Variants in MARCHF4 observed in about 807,000 individuals in gnomAD.
MARCHF4 encodes the protein E3 ubiquitin-protein ligase MARCHF4.
Under a neutral mutation model 43.9 loss-of-function variants are expected in MARCHF4, and 14 were observed. The observed-to-expected ratio is 0.32, with a 90% CI of 0.21 to 0.50. The LOEUF is 0.50. MARCHF4 is among the 20% of genes least tolerant of loss of function. The pLI is 0.98. For missense variants in MARCHF4, 468 were observed against 536.7 expected (o/e 0.87, Z 1.27); for synonymous variants, 226 against 213.3 (o/e 1.06, Z -0.52).
rs753491591 is a variant in MARCHF4, at chr2:216,325,231, T to C, written c.517-41502A>G. On this transcript the variant is annotated intron_variant, in intron 1 of 3. Coordinates refer to ENST00000273067, the MANE Select transcript of MARCHF4 (RefSeq NM_020814.3). ...CCATTCACAATTGCTTCAAAGAGAATAAAATACCTAGGAATCCAACTTAAA... is the reference window on the plus strand; with the variant it reads ...CCATTCACAATTGCTTCAAAGAGAACAAAATACCTAGGAATCCAACTTAAA... Among the ~76,000 whole-genome samples the C allele has an allele frequency of 1.9e-3, 296 of 152,208 alleles. 1 individual carries two copies. Among genetic ancestry groups the C allele is most frequent in the Non-Finnish European group, 2.9e-3 (194 of 68,014 alleles).
In MARCHF4 at chr2:216,370,452, A is replaced by T. The variant is rs927594247; in HGVS notation, c.-192T>A. On this transcript the variant is annotated 5_prime_UTR_variant, in exon 1 of 4. Coordinates refer to ENST00000273067, the MANE Select transcript of MARCHF4 (RefSeq NM_020814.3). Reference sequence around the variant, plus strand: ...TGAGAAGTGTGAGTCACTGGTTCTGAACTCCACCTGGAAAGCCCAATAACA... The same window carrying T: ...TGAGAAGTGTGAGTCACTGGTTCTGTACTCCACCTGGAAAGCCCAATAACA... 14 of 500,588 alleles carry T rather than the reference A, an allele frequency of 2.8e-5. No individual in the cohort carries two copies. Among genetic ancestry groups the T allele is most frequent in the Non-Finnish European group, 4.2e-5 (12 of 288,292 alleles). 31.0% of individuals were successfully genotyped at this position (500,588 alleles called of 1,614,324 possible).
intron 1 of MARCHF4, 65 bp from the exon 2 acceptor site, chr2:216,283,794 C>G (rs1363843826): frequency 1.4e-6 from 2 of 1,469,310 alleles, no homozygotes; most frequent in Non-Finnish European, 1.8e-6. Context: ...GAGTGATGGG[C>G]GGGAGGGTGG....
intron 1 of MARCHF4, among the ~76,000 whole-genome samples, chr2:216,332,387 G>A (rs1331713971): frequency 1.4e-5 from 2 of 141,660 alleles, no homozygotes; most frequent in Admixed American, 1.5e-4. Context: ...GCAAGACTCT[G>A]TCTAAAAAAA....
chr2:216,270,897 C>T (rs1690924902), intron 3 of MARCHF4, among the ~76,000 whole-genome samples: 1 of 152,154 alleles, frequency 6.6e-6, no homozygotes, highest in South Asian at 2.1e-4. Context: ...TGTGTTGCAA[C>T]TCTATTTCTT....
rs1692781029 is a variant in MARCHF4 at position 216,372,183 on chromosome 2, C to G, written c.-1923G>C. 1.3e-5 allele frequency among the ~76,000 whole-genome samples: 2 copies of G among 152,248 alleles called. No individual in the cohort carries two copies. Among genetic ancestry groups the G allele is most frequent in the Admixed American group, 1.3e-4 (2 of 15,292 alleles). ...CCGTTGCTCAGCACCCGCCGCTGCC[C>G]CCACTGGCTCGATTCCCAAAGGGGT... On this transcript the variant is annotated 5_prime_UTR_variant, in exon 1 of 4. Transcript: ENST00000273067.
intron 2 of MARCHF4, among the ~76,000 whole-genome samples, chr2:216,279,162 C>T (rs1691082564): frequency 6.6e-6 from 1 of 152,166 alleles, no homozygotes; most frequent in Admixed American, 6.5e-5. Flanking sequence ...CCAGAGGAAG[C>T]AATACTTGAG....
In MARCHF4 at chr2:216,286,754, G is replaced by A. The variant is rs61146587; in HGVS notation, c.517-3025C>T. ...AGCCCATCATCTTTTTAGTGTTTAG[G>A]GCTTCTAAAAAGCTTTCACAGGGAC... is the stretch of plus-strand genomic sequence containing the variant. On this transcript the variant is annotated intron_variant, in intron 1 of 3. Transcript: ENST00000273067. Among the ~76,000 whole-genome samples, 1,105 of 152,090 alleles carry A rather than the reference G, an allele frequency of 7.3e-3. 14 individuals carry two copies. The highest frequency in any genetic ancestry group is 0.025 in the African/African-American group (1,027 of 41,466).
At position 216,369,759 on chromosome 2, in the gene MARCHF4, G is replaced by A; in HGVS notation, c.502C>T (p.Gln168Ter). 1 of 1,593,644 alleles carries A rather than the reference G, an allele frequency of 6.3e-7. No homozygotes were observed. The highest frequency in any genetic ancestry group is 1.1e-5 in the South Asian group (1 of 89,500). Reference protein sequence around the residue: ...MRTPLCRICFQGPEQGELLSP... With the variant: ...MRTPLCRICF ...AGGGGACTCACCTGTTCTGGCCCCT[G>A]GAAGCAGATGCGGCAGAGTGGGGTC... Residue 168 changes from glutamine to a stop codon, truncating the protein, a stop_gained, in exon 1 of 4, where the codon CAG (glutamine) becomes TAG (stop). Transcript: ENST00000273067. LOFTEE classifies it high-confidence loss of function.
intron 1 of MARCHF4, among the ~76,000 whole-genome samples, chr2:216,295,923 G>C (rs1215054909): frequency 6.6e-6 from 1 of 152,200 alleles, no homozygotes; most frequent in African/African-American, 2.4e-5. Flanking sequence ...CGAGGCAGGT[G>C]GATCACGTGG....
At chr2:216,352,822 C>T (rs1236093897) in intron 1 of MARCHF4, among the ~76,000 whole-genome samples, 2 of 152,176 alleles carry the variant, frequency 1.3e-5, no homozygotes, top group Admixed American at 6.5e-5. Context: ...CAGTCCTTAC[C>T]ATACTATATC....
At chr2:216,320,704 T>C (rs1433229685) in intron 1 of MARCHF4, among the ~76,000 whole-genome samples, 2 of 144,902 alleles carry the variant, frequency 1.4e-5, no homozygotes, top group African/African-American at 2.6e-5. Flanking sequence ...GGAGTCCCAC[T>C]CTGTCACCCA....
At position 216,317,908 on chromosome 2, in the gene MARCHF4, C is replaced by T. The variant is rs150483641; in HGVS notation, c.517-34179G>A. Among the ~76,000 whole-genome samples the T allele has an allele frequency of 2.6e-3, 392 of 152,302 alleles. 1 individual carries two copies. Among genetic ancestry groups the T allele is most frequent in the African/African-American group, 9.1e-3 (378 of 41,562 alleles). ...TGGAGGACAATAGAAAGATCTCAGC[C>T]ATTGTGCCAGCTGTCTGACACTGAG... On this transcript the variant is annotated intron_variant, in intron 1 of 3. Coordinates refer to ENST00000273067, the MANE Select transcript of MARCHF4 (RefSeq NM_020814.3).
intron 1 of MARCHF4, among the ~76,000 whole-genome samples, chr2:216,343,699 C>T (rs1429269080): frequency 6.6e-6 from 1 of 151,968 alleles, no homozygotes; most frequent in Admixed American, 6.6e-5. Flanking sequence ...TGAGAACAGC[C>T]CTGTGAGAAA....
intron 1 of MARCHF4, among the ~76,000 whole-genome samples, chr2:216,337,786 A>G (rs1692180185): frequency 6.6e-6 from 1 of 152,162 alleles, no homozygotes; most frequent in Non-Finnish European, 1.5e-5. Context: ...CACGAACTAC[A>G]GCATTGCTTG....
intron 1 of MARCHF4, among the ~76,000 whole-genome samples, chr2:216,362,879 T>C (rs912047868): frequency 1.3e-5 from 2 of 152,176 alleles, no homozygotes; most frequent in African/African-American, 2.4e-5. Flanking sequence ...AGGGGGATGG[T>C]ATGCAGCTTG....
At chr2:216,297,777 A>G (rs1054177911) in intron 1 of MARCHF4, among the ~76,000 whole-genome samples, 2 of 151,996 alleles carry the variant, frequency 1.3e-5, no homozygotes, top group East Asian at 1.9e-4. Flanking sequence ...CGGCATCCCA[A>G]AGTAAGCCAC....
Position 216,259,771 on chromosome 2 carries a change from A to G in MARCHF4, c.866-92T>C, listed in dbSNP as rs1690712037. On this transcript the variant is annotated intron_variant, in intron 3 of 3. Coordinates refer to ENST00000273067, the MANE Select transcript of MARCHF4 (RefSeq NM_020814.3). ...CAGTCTCTCTGAATCTATGCAAGGT[A>G]TGGGCAATGGCTCCAGTGCTGAGCC... 4.7e-6 allele frequency: 6 copies of G among 1,286,852 alleles called. 1 individual carries two copies. The Admixed American group carries it at 1.2e-4, about 25-fold the overall frequency. The allele number at this position is 1,286,852 out of a possible 1,614,324, so 79.7% of individuals were successfully genotyped here. A position where few individuals can be genotyped will look rare whatever the true frequency, so the allele number is the denominator to read the frequency against.
intron 2 of MARCHF4, among the ~76,000 whole-genome samples, chr2:216,280,139 C>T (rs1454100188): frequency 3.9e-5 from 6 of 151,916 alleles, no homozygotes; most frequent in Admixed American, 3.9e-4. Flanking sequence ...CCTGTCTGTC[C>T]CATATGAGGC....
chr2:216,319,555 C>T (rs1691846225), intron 1 of MARCHF4, among the ~76,000 whole-genome samples: 3 of 152,096 alleles, frequency 2.0e-5, no homozygotes, highest in Admixed American at 2.0e-4. Flanking sequence ...TTACCTCATT[C>T]TTAGAGTTTT....
Sources: allele counts gnomAD v4.1 joint callset (sites outside exome capture counted in the v4.1 genomes callset), GRCh38; gene constraint gnomAD v4.1.1; transcripts MANE v1.5; gene names NCBI Gene and HGNC (gene_info 2026-07-23, HGNC 2026-07-21).